Variants in HDAC9 observed in about 807,000 individuals in gnomAD.
The protein encoded by HDAC9 is histone deacetylase 9.
A neutral mutation model predicts 139.4 loss-of-function variants in HDAC9; 41 were observed. The observed-to-expected ratio is 0.29, with a 90% CI of 0.23 to 0.38. The LOEUF (loss-of-function observed/expected upper bound fraction) is 0.38, where lower values mean the gene tolerates loss of function less well. Ranked by LOEUF, HDAC9 falls within the 10% of genes least tolerant of loss-of-function variation. The pLI is 1.00. For missense variants in HDAC9, 1,147 were observed against 1,297.0 expected, an observed-to-expected ratio of 0.88 and a Z score of 1.78; for synonymous variants, 517 against 476.2, an observed-to-expected ratio of 1.09 and a Z score of -1.12.
intron 1 of HDAC9, among the ~76,000 whole-genome samples, chr7:18,313,237 A>C (rs1352766680): frequency 6.6e-6 from 1 of 152,188 alleles, no homozygotes; most frequent in Non-Finnish European, 1.5e-5. Context: ...AAAATAGACC[A>C]GTAAAGCAAT....
intron 1 of HDAC9, chr7:18,162,200 T>C: frequency 1.2e-6 from 1 of 824,964 alleles, no homozygotes; most frequent in Non-Finnish European, 2.0e-6. Flanking sequence ...AGCTTGTATC[T>C]TAAACACTGC....
chr7:18,310,910 A>G (rs1303571293), intron 1 of HDAC9, among the ~76,000 whole-genome samples: 1 of 151,950 alleles, frequency 6.6e-6, no homozygotes, highest in East Asian at 1.9e-4. Flanking sequence ...TGTTATACAA[A>G]TCTACTCTAT....
rs1319455819 is a variant in HDAC9 at position 18,453,324 on chromosome 7, A to AG, written c.-41-42937dup. 1.4e-4 allele frequency among the ~76,000 whole-genome samples: 21 copies of AG among 152,180 alleles called. 1 individual carries two copies. The highest frequency in any genetic ancestry group is 4.6e-4 in the African/African-American group (19 of 41,450). Reference sequence around the variant, plus strand: ...ACAAAGGTCAGCATTGATTAAAAAAAGTGGGGGGAAGGAATTTAATTCTGG... The same window carrying AG: ...ACAAAGGTCAGCATTGATTAAAAAAAGGTGGGGGGAAGGAATTTAATTCTGG... On this transcript the variant is annotated intron_variant, in intron 1 of 3. Coordinates refer to the HDAC9 transcript ENST00000413509.
chr7:18,286,844 A>G (rs919902729), upstream of HDAC9, among the ~76,000 whole-genome samples: 2 of 152,168 alleles, frequency 1.3e-5, no homozygotes, highest in Non-Finnish European at 2.9e-5. Flanking sequence ...CACTTTTAGA[A>G]CACTAGGTCT....
At chr7:18,334,113 A>G (rs1035257122) in intron 1 of HDAC9, among the ~76,000 whole-genome samples, 1 of 151,422 alleles carries the variant, frequency 6.6e-6, no homozygotes, top group Admixed American at 6.6e-5. Flanking sequence ...CAAATTTTCA[A>G]GAGATAAATT....
chr7:18,381,043 C>T (rs961909110), intron 1 of HDAC9, among the ~76,000 whole-genome samples: 27 of 151,126 alleles, frequency 1.8e-4, no homozygotes, highest in African/African-American at 6.3e-4. Flanking sequence ...ACTAAAATTA[C>T]AAAAATTAGT....
At chr7:18,869,215 G>A (rs1317561964) in intron 21 of HDAC9, among the ~76,000 whole-genome samples, 3 of 150,350 alleles carry the variant, frequency 2.0e-5, no homozygotes, top group Non-Finnish European at 4.4e-5. Flanking sequence ...CCTTGGGAGA[G>A]TTGTCTTGGT....
At chr7:18,204,171 T>C (rs986002931) in intron 2 of HDAC9, among the ~76,000 whole-genome samples, 1 of 152,138 alleles carries the variant, frequency 6.6e-6, no homozygotes, top group Non-Finnish European at 1.5e-5. Context: ...ATATTTTTTC[T>C]GTTTAAGATA....
At chr7:18,330,614 C>T (rs550723668) in intron 1 of HDAC9, among the ~76,000 whole-genome samples, 2 of 151,232 alleles carry the variant, frequency 1.3e-5, no homozygotes, top group East Asian at 1.9e-4. Context: ...AAAAAACAAC[C>T]AAAAACTATT....
At chr7:18,630,972 T>C (rs1285790371) in intron 7 of HDAC9, among the ~76,000 whole-genome samples, 1 of 152,142 alleles carries the variant, frequency 6.6e-6, no homozygotes, top group Non-Finnish European at 1.5e-5. Flanking sequence ...AAACTGAATA[T>C]AATGCTATTT....
intron 22 of HDAC9, among the ~76,000 whole-genome samples, chr7:18,911,558 G>T: frequency 6.7e-6 from 1 of 150,190 alleles, no homozygotes; most frequent in Non-Finnish European, 1.5e-5. Flanking sequence ...ACTAATTTGG[G>T]GTTTGGTTTT....
chr7:18,728,402 AACACACACACACACAC>A (rs56281287), intron 13 of HDAC9, among the ~76,000 whole-genome samples: 105 of 145,652 alleles, frequency 7.2e-4, no homozygotes, highest in African/African-American at 1.3e-3. Flanking sequence ...TTAAGTGTGG[AACACACACACACACAC>A]ACACACACAC....
At chr7:18,679,363 G>A (rs143268332) in intron 12 of HDAC9, among the ~76,000 whole-genome samples, 1 of 151,898 alleles carries the variant, frequency 6.6e-6, no homozygotes, top group Non-Finnish European at 1.5e-5. Flanking sequence ...GAGGACCTGT[G>A]CATCCTACAA....
intron 1 of HDAC9, among the ~76,000 whole-genome samples, chr7:18,451,385 GTGTGTGTGTGTGTGTGTATATA>G (rs949949698): frequency 1.5e-5 from 2 of 136,290 alleles, no homozygotes; most frequent in African/African-American, 5.3e-5. Context: ...GTGTGTGTGT[GTGTGTGTGTGTGTGTGTATATA>G]TGTGTGTGTG....
chr7:18,509,331 G>A (rs1800741456), intron 2 of HDAC9: 5 of 985,420 alleles, frequency 5.1e-6, no homozygotes, highest in Non-Finnish European at 6.0e-6. Context: ...TGGGTAGGTG[G>A]GAGAACCAGG....
intron 2 of HDAC9, among the ~76,000 whole-genome samples, chr7:18,507,479 C>G (rs1163757751): frequency 5.7e-4 from 87 of 151,394 alleles, no homozygotes; most frequent in Non-Finnish European, 1.9e-4. Context: ...AGGCGTGAGC[C>G]ACCGCACCCG....
At chr7:18,381,548 CATA>C (rs1785449379) in intron 1 of HDAC9, among the ~76,000 whole-genome samples, 1 of 151,908 alleles carries the variant, frequency 6.6e-6, no homozygotes, top group African/African-American at 2.4e-5. Flanking sequence ...GATAAAATAT[CATA>C]ATGTATGGCA....
chr7:18,375,523 G>A (rs149566764), intron 1 of HDAC9, among the ~76,000 whole-genome samples: 14 of 152,212 alleles, frequency 9.2e-5, no homozygotes, highest in Admixed American at 3.3e-4. Context: ...AATGCGGTTG[G>A]TATATGGTAG....
At chr7:18,147,414 G>A (rs1417581672) in intron 1 of HDAC9, among the ~76,000 whole-genome samples, 1 of 152,192 alleles carries the variant, frequency 6.6e-6, no homozygotes, top group African/African-American at 2.4e-5. Flanking sequence ...TAATTGGCAA[G>A]TTAATAGGGA....
Sources: gnomAD v4.1 joint callset for allele counts (sites outside exome capture counted in the v4.1 genomes callset) on GRCh38, gnomAD v4.1.1 for gene constraint, MANE v1.5 for transcripts, NCBI Gene and HGNC (gene_info 2026-07-23, HGNC 2026-07-21) for gene names.